ME1: variants seen among roughly 807,000 people sequenced by gnomAD.
ME1 encodes NADP-dependent malic enzyme.
In ME1, 74 loss-of-function variants were observed where a neutral mutation model predicts 66.4. The ratio of observed to expected loss-of-function variants is 1.11; its 90% confidence interval spans 0.92 to 1.35. The LOEUF is 1.35. ME1 is among the 40% of genes most tolerant of loss of function. The pLI, the probability that ME1 is intolerant of heterozygous loss-of-function variation, is 0.00. For synonymous variants in ME1, 251 were observed against 235.6 expected (o/e 1.07, Z -0.60); for missense variants, 750 against 694.1 (o/e 1.08, Z -0.90).
At chr6:83,325,222 A>T (rs1562481484) in intron 5 of ME1, among the ~76,000 whole-genome samples, 1 of 152,208 alleles carries the variant, frequency 6.6e-6, no homozygotes, top group Non-Finnish European at 1.5e-5. Flanking sequence ...TCTCAAAATA[A>T]TAAGAGCTAT....
At chr6:83,300,040 A>G (rs945512397) in intron 6 of ME1, among the ~76,000 whole-genome samples, 2 of 152,172 alleles carry the variant, frequency 1.3e-5, no homozygotes, top group Non-Finnish European at 2.9e-5. Context: ...AATGTTCATC[A>G]GGGATACTGG....
intron 6 of ME1, among the ~76,000 whole-genome samples, chr6:83,291,357 T>G (rs1439787130): frequency 6.6e-6 from 1 of 152,192 alleles, no homozygotes; most frequent in African/African-American, 2.4e-5. Context: ...TGTAAAGCAT[T>G]TTATTTCTCC....
intron 9 of ME1, among the ~76,000 whole-genome samples, chr6:83,230,713 C>T (rs1025882938): frequency 6.6e-6 from 1 of 152,146 alleles, no homozygotes; most frequent in African/African-American, 2.4e-5. Context: ...GGGCGGATCA[C>T]GAGGTCAGGA....
chr6:83,370,055 G>C (rs935565960), intron 3 of ME1, among the ~76,000 whole-genome samples: 11 of 152,054 alleles, frequency 7.2e-5, no homozygotes, highest in African/African-American at 2.7e-4. Context: ...AAGAGTTTAA[G>C]AATCTACATC....
intron 6 of ME1, among the ~76,000 whole-genome samples, chr6:83,293,964 A>G (rs1175734843): frequency 2.0e-5 from 3 of 152,242 alleles, no homozygotes; most frequent in Non-Finnish European, 4.4e-5. Context: ...ACTTCTAGGC[A>G]GAGACTACAG....
intron 1 of ME1, among the ~76,000 whole-genome samples, chr6:83,411,296 G>A (rs973042686): frequency 1.3e-4 from 20 of 152,106 alleles, no homozygotes; most frequent in Non-Finnish European, 2.2e-4. Context: ...CCTGGGAGGC[G>A]GAGGTTGCAG....
intron 7 of ME1, among the ~76,000 whole-genome samples, chr6:83,243,102 A>C (rs1452696305): frequency 1.3e-5 from 2 of 151,184 alleles, no homozygotes; most frequent in African/African-American, 2.4e-5. Context: ...ACCCCCCAAA[A>C]ATTTTTTTTT....
intron 1 of ME1, among the ~76,000 whole-genome samples, chr6:83,412,252 AT>A (rs1770065158): frequency 6.6e-6 from 1 of 152,194 alleles, no homozygotes; most frequent in African/African-American, 2.4e-5. Flanking sequence ...AAAAGGAAAC[AT>A]TTATCTTATT....
intron 6 of ME1, among the ~76,000 whole-genome samples, chr6:83,271,397 T>G (rs904356843): frequency 6.6e-6 from 1 of 152,178 alleles, no homozygotes; most frequent in Non-Finnish European, 1.5e-5. Context: ...TGGCTACAAC[T>G]GAGTCACATG....
intron 3 of ME1, among the ~76,000 whole-genome samples, chr6:83,389,084 A>G (rs1022707644): frequency 7.2e-5 from 11 of 152,056 alleles, no homozygotes; most frequent in Non-Finnish European, 1.5e-4. Flanking sequence ...ATGCCACTAC[A>G]CTCTAGCCTG....
intron 11 of ME1, among the ~76,000 whole-genome samples, chr6:83,225,374 C>T (rs1300416543): frequency 6.6e-6 from 1 of 152,018 alleles, no homozygotes; most frequent in Non-Finnish European, 1.5e-5. Context: ...TAAAGCATCA[C>T]AGTCTAAGAA....
rs184967830 is a variant in ME1, at chr6:83,260,188, G to A, written c.705-6450C>T. 5.5e-3 allele frequency among the ~76,000 whole-genome samples: 749 copies of A among 135,860 alleles called. 13 individuals carry two copies. Among genetic ancestry groups the A allele is most frequent in the East Asian group, 0.047 (214 of 4,566 alleles). 89.1% of individuals were successfully genotyped at this position (135,860 alleles called of 152,430 possible). The stretch of plus-strand genomic sequence containing the variant: ...TTATAGCAAGGACCAAAAAAAAAAA[G>A]AATCACAAGCAAAATAGAATCACTA... On this transcript the variant is annotated intron_variant, in intron 6 of 13. Coordinates refer to ENST00000369705, the MANE Select transcript of ME1 (RefSeq NM_002395.6).
chr6:83,364,762 A>G (rs1769070380), intron 3 of ME1, among the ~76,000 whole-genome samples: 1 of 152,056 alleles, frequency 6.6e-6, no homozygotes. Flanking sequence ...CTATCTATCA[A>G]AAACATAAAT....
At chr6:83,347,727 T>C (rs1023568458) in intron 4 of ME1, among the ~76,000 whole-genome samples, 1 of 152,156 alleles carries the variant, frequency 6.6e-6, no homozygotes, top group Non-Finnish European at 1.5e-5. Flanking sequence ...CATTACAAAT[T>C]CTTAAAAATT....
intron 5 of ME1, among the ~76,000 whole-genome samples, chr6:83,329,004 T>A (rs994981551): frequency 1.3e-5 from 2 of 152,222 alleles, no homozygotes; most frequent in Non-Finnish European, 2.9e-5. Flanking sequence ...TCAGAATTTA[T>A]AACTGAAGCA....
At chr6:83,418,778 T>C (rs945337189) in intron 1 of ME1, among the ~76,000 whole-genome samples, 1 of 152,152 alleles carries the variant, frequency 6.6e-6, no homozygotes, top group African/African-American at 2.4e-5. Context: ...GGATATTATA[T>C]GAAAAGCTAC....
At chr6:83,397,275 G>A (rs1769751297) in intron 3 of ME1, among the ~76,000 whole-genome samples, 1 of 152,090 alleles carries the variant, frequency 6.6e-6, no homozygotes, top group Non-Finnish European at 1.5e-5. Context: ...AAATAACTCA[G>A]TAACAAGAAA....
chr6:83,290,448 T>C (rs891645060), intron 6 of ME1, among the ~76,000 whole-genome samples: 1 of 152,258 alleles, frequency 6.6e-6, no homozygotes, highest in Non-Finnish European at 1.5e-5. Flanking sequence ...TTGAGTGTGA[T>C]TCTTAACCCT....
chr6:83,392,752 G>A (rs1583414411), intron 3 of ME1: 1 of 655,386 alleles, frequency 1.5e-6, no homozygotes, highest in Non-Finnish European at 2.8e-6. Context: ...GGCTCACTTG[G>A]AGGGAGGAGC....
Sources: allele counts gnomAD v4.1 joint callset (sites outside exome capture counted in the v4.1 genomes callset), GRCh38; gene constraint gnomAD v4.1.1; transcripts MANE v1.5; gene names NCBI Gene and HGNC (gene_info 2026-07-23, HGNC 2026-07-21).